NUP210: variants seen among roughly 807,000 people sequenced by gnomAD.
NUP210 encodes nucleoporin 210.
A neutral mutation model predicts 196.0 loss-of-function variants in NUP210; 151 were observed. That is an observed-to-expected ratio of 0.77 (90% CI 0.67 to 0.88). The LOEUF (loss-of-function observed/expected upper bound fraction) is 0.88. Ranked by LOEUF, NUP210 falls within the 40% of genes least tolerant of loss-of-function variation. NUP210 has a pLI of 0.00. For synonymous variants in NUP210, 1,070 were observed against 1,052.7 expected, an observed-to-expected ratio of 1.02 and a Z score of -0.32; for missense variants, 2,314 against 2,493.7, an observed-to-expected ratio of 0.93 and a Z score of 1.53.
chr3:13,355,962 G>A (rs1246473435), intron 16 of NUP210, among the ~76,000 whole-genome samples: 2 of 152,212 alleles, frequency 1.3e-5, no homozygotes, highest in Admixed American at 6.5e-5. Context: ...GACGTTAAAT[G>A]TTGAATGACT....
At chr3:13,327,113 T>G (rs1203147503) in intron 32 of NUP210, 104 bp downstream of exon 32, 1 of 826,926 alleles carries the variant, frequency 1.2e-6, no homozygotes, top group Non-Finnish European at 1.9e-6. Context: ...CAGGTCTGCC[T>G]GTAGGCCCCC....
chr3:13,342,210 T>C (rs1697539599), intron 21 of NUP210, 87 bp from the exon 22 acceptor site: 6 of 1,514,114 alleles, frequency 4.0e-6, no homozygotes, highest in Non-Finnish European at 1.8e-6. Context: ...TGAGATAGCA[T>C]CACTAACCTC....
chr3:13,399,611 C>T, intron 2 of NUP210, 114 bp downstream of exon 2: 1 of 1,429,820 alleles, frequency 7.0e-7, no homozygotes, highest in South Asian at 1.3e-5. Context: ...TCCTGCCACT[C>T]AACAAGAGAA....
intron 4 of NUP210, among the ~76,000 whole-genome samples, chr3:13,389,880 G>A (rs149779331): frequency 5.3e-5 from 8 of 152,216 alleles, no homozygotes; most frequent in East Asian, 3.9e-4. Flanking sequence ...CACAACGTTC[G>A]GACCCTGGCC....
At chr3:13,352,937 C>A (rs1698031804) in intron 18 of NUP210, among the ~76,000 whole-genome samples, 3 of 151,904 alleles carry the variant, frequency 2.0e-5, no homozygotes, top group African/African-American at 7.3e-5. Context: ...GGTGGGGGGA[C>A]ATCAGGGCAG....
chr3:13,353,902 G>C lies in NUP210; in HGVS notation c.2521+13C>G, dbSNP rs1205534890. 1.9e-6 allele frequency: 3 copies of C among 1,600,442 alleles called. No homozygotes were observed. In the South Asian group the frequency reaches 3.4e-5, roughly 18 times the overall value. ...TTCTCCTGCCTGGGCCATCAGGCTT[G>C]TGCCCAGCTCACCGTGCAGCTTCTT... On this transcript the variant is annotated intron_variant, in intron 17 of 39. Transcript: ENST00000254508.
chr3:13,385,368 G>T (rs73150011), intron 6 of NUP210, among the ~76,000 whole-genome samples: 5,125 of 152,290 alleles, frequency 0.034, 118 homozygotes, highest in Middle Eastern at 0.075. Flanking sequence ...TTATGCCCAT[G>T]ACCCTTCAGG....
At chr3:13,327,834 C>T (rs932641172) in intron 31 of NUP210, among the ~76,000 whole-genome samples, 3 of 152,258 alleles carry the variant, frequency 2.0e-5, no homozygotes, top group Admixed American at 6.5e-5. Flanking sequence ...CAGAAGCAGC[C>T]TCTGCCCCTT....
rs539463363 is a variant in NUP210 at position 13,418,454 on chromosome 3, A to G, written c.167+1606T>C. On this transcript the variant is annotated intron_variant, in intron 1 of 39. Transcript: ENST00000254508. Reference sequence around the variant, plus strand: ...CTAAAAATACAAAAATTGGCCAGACAAGCCAGGCATGGTGGCTCACGCCTG... The same window carrying G: ...CTAAAAATACAAAAATTGGCCAGACGAGCCAGGCATGGTGGCTCACGCCTG... Among the ~76,000 whole-genome samples, 3 of 152,230 alleles carry G rather than the reference A, an allele frequency of 2.0e-5. No homozygotes were observed. In the East Asian group the frequency reaches 5.8e-4, roughly 29 times the overall value.
At chr3:13,369,297 C>A (rs945362227) in intron 13 of NUP210, among the ~76,000 whole-genome samples, 1 of 152,176 alleles carries the variant, frequency 6.6e-6, no homozygotes, top group Non-Finnish European at 1.5e-5. Flanking sequence ...GCTGCTGACA[C>A]GTAGGAGTTC....
intron 11 of NUP210, among the ~76,000 whole-genome samples, chr3:13,375,135 T>C (rs1167102418): frequency 7.2e-6 from 1 of 138,308 alleles, no homozygotes; most frequent in Non-Finnish European, 1.5e-5. Context: ...TTTATTCTAT[T>C]TTTTCTCTTT....
At position 13,323,128 on chromosome 3, in the gene NUP210, C is replaced by A. The variant is rs1269475400; in HGVS notation, c.4768+181G>T. The stretch of plus-strand genomic sequence containing the variant: ...ATGAAGATTCCTTTCACTGGCTCAG[C>A]TTTTGGAGGACTCCAATTTCAGAAA... On this transcript the variant is annotated intron_variant, in intron 34 of 39. Transcript: ENST00000254508. This position sits in a 1 kb window ranked among gnomAD's most constrained non-coding sequence, Gnocchi z 4.3. Among the ~76,000 whole-genome samples the A allele has an allele frequency of 6.6e-6, 1 of 152,194 alleles. No individual in the cohort carries two copies. The highest frequency in any genetic ancestry group is 2.4e-5 in the African/African-American group (1 of 41,444).
intron 1 of NUP210, among the ~76,000 whole-genome samples, chr3:13,401,484 G>A (rs557192608): frequency 5.5e-4 from 83 of 152,186 alleles, no homozygotes; most frequent in African/African-American, 1.6e-3. Flanking sequence ...GCATCCATCA[G>A]TGAAGGAAAG....
rs778991781 is a variant in NUP210, at chr3:13,342,024, G to T, written c.3064C>A (p.Arg1022=). The change falls in exon 22 of 40, where the codon CGA becomes AGA. Residue 1022 remains arginine, a synonymous_variant. Transcript: ENST00000254508. The stretch of plus-strand genomic sequence containing the variant: ...AATGTAATGATCGGGGAGGCTGCTC[G>T]GAGCTTCAGGTCCATAAAGGGGAAG... ...KYFPFMDLKL[R]AASPIITLVA... is the part of the protein sequence containing the mutation. The T allele has an allele frequency of 6.2e-7, 1 of 1,614,060 alleles. No homozygotes were observed. Among genetic ancestry groups the T allele is most frequent in the African/African-American group, 1.3e-5 (1 of 74,916 alleles).
In NUP210 at chr3:13,379,728, A is replaced by G. The variant is rs760725139; in HGVS notation, c.818-7T>C. ...TCGGAAGGCATGGAGAGTTCTGGCC[A>G]CCAAGAAACAAAAAATAACAGGGAA... On this transcript the variant is annotated splice_region_variant and splice_polypyrimidine_tract_variant and intron_variant, in intron 6 of 39. Transcript: ENST00000254508. This position sits in a 1 kb window ranked among gnomAD's most constrained non-coding sequence, Gnocchi z 4.2. The G allele has an allele frequency of 3.9e-6, 6 of 1,555,982 alleles. No individual in the cohort carries two copies. Among genetic ancestry groups the G allele is most frequent in the Non-Finnish European group, 5.2e-6 (6 of 1,151,582 alleles).
At chr3:13,378,807 C>A in intron 8 of NUP210, 105 bp downstream of exon 8, 1 of 859,310 alleles carries the variant, frequency 1.2e-6, no homozygotes, top group Non-Finnish European at 2.0e-6. Context: ...CAGAGCTGGC[C>A]AGAGGGAAGC....
At chr3:13,407,576 C>T (rs1037793940) in intron 1 of NUP210, among the ~76,000 whole-genome samples, 1 of 151,814 alleles carries the variant, frequency 6.6e-6, no homozygotes, top group Admixed American at 6.6e-5. Context: ...GCCTCCCACT[C>T]CTCCCTCCCT....
chr3:13,409,246 A>T (rs1700088994), intron 1 of NUP210, among the ~76,000 whole-genome samples: 1 of 152,186 alleles, frequency 6.6e-6, no homozygotes, highest in African/African-American at 2.4e-5. Context: ...GTCCTCCTGA[A>T]ATCCAGATGT....
intron 1 of NUP210, among the ~76,000 whole-genome samples, chr3:13,412,925 C>G (rs1195527024): frequency 6.6e-6 from 1 of 151,644 alleles, no homozygotes; most frequent in Non-Finnish European, 1.5e-5. Flanking sequence ...GAGCCGAGAT[C>G]AGGCCACTGC....
Sources: gnomAD v4.1 joint callset for allele counts (sites outside exome capture counted in the v4.1 genomes callset) on GRCh38, gnomAD v4.1.1 for gene constraint, Gnocchi (gnomAD v3.1) non-coding constraint, MANE v1.5 for transcripts, NCBI Gene and HGNC (gene_info 2026-07-23, HGNC 2026-07-21) for gene names.